Variants in DUXA observed in about 807,000 individuals in gnomAD.
The protein encoded by DUXA is double homeobox protein A.
A neutral mutation model predicts 27.5 loss-of-function variants in DUXA; 25 were observed. That is an observed-to-expected ratio of 0.91 (90% CI 0.66 to 1.27). The LOEUF is 1.27. Among genes scored for constraint, DUXA ranks in the 50% most tolerant of loss-of-function variants. DUXA has a pLI of 0.00. For synonymous variants in DUXA, 90 were observed against 80.5 expected, an observed-to-expected ratio of 1.12 and a Z score of -0.63; for missense variants, 247 against 242.9, an observed-to-expected ratio of 1.02 and a Z score of -0.11.
intron 1 of DUXA, among the ~76,000 whole-genome samples, chr19:57,163,635 G>A (rs2087035941): frequency 6.6e-6 from 1 of 151,900 alleles, no homozygotes; most frequent in South Asian, 2.1e-4. Flanking sequence ...GTGGAGACGT[G>A]GTTTTGCCAC....
intron 1 of DUXA, among the ~76,000 whole-genome samples, chr19:57,165,520 C>T (rs1323942380): frequency 6.6e-6 from 1 of 151,506 alleles, no homozygotes; most frequent in African/African-American, 2.4e-5. Flanking sequence ...AAAAGCCAGA[C>T]CCTGGCCGGG....
chr19:57,155,646 A>AAGATAGATAGACAGATAGATAGAT (rs2086989319), intron 4 of DUXA, among the ~76,000 whole-genome samples: 1 of 144,012 alleles, frequency 6.9e-6, no homozygotes, highest in East Asian at 2.1e-4. Flanking sequence ...TGCCCAACCC[A>AAGATAGATAGACAGATAGATAGAT]AGATAGATAG....
chr19:57,156,764 A>G (rs537148955), intron 4 of DUXA, among the ~76,000 whole-genome samples: 12 of 152,132 alleles, frequency 7.9e-5, no homozygotes, highest in Admixed American at 2.0e-4. Flanking sequence ...TCCCGGGTTC[A>G]AGCAATTCTC....
intron 1 of DUXA, among the ~76,000 whole-genome samples, chr19:57,161,809 T>C (rs994207415): frequency 2.0e-5 from 3 of 152,194 alleles, no homozygotes; most frequent in Admixed American, 6.5e-5. Context: ...GAGTTTGTGA[T>C]ACAAGGACCA....
rs111850093 is a variant in DUXA, at chr19:57,154,633, G to T, written c.545-151C>A. ...GGCTGGAGTGCGGTGGCGCGATCTC[G>T]GCTCACTGCAAGCTCCGCCTCCCGG... On this transcript the variant is annotated intron_variant, in intron 5 of 5. Transcript: ENST00000554048. 7.2e-6 allele frequency: 4 copies of T among 558,252 alleles called. No homozygotes were observed. The Admixed American group carries it at 9.0e-5, about 13-fold the overall frequency. The allele number at this position is 558,252 out of a possible 1,614,324, so 34.6% of individuals were successfully genotyped here.
intron 4 of DUXA, among the ~76,000 whole-genome samples, chr19:57,156,022 A>G (rs1281750457): frequency 6.6e-6 from 1 of 152,218 alleles, no homozygotes; most frequent in Non-Finnish European, 1.5e-5. Flanking sequence ...CCTAAAGAGA[A>G]CACCCAAAAT....
intron 1 of DUXA, 110 bp from the exon 2 acceptor site, chr19:57,160,907 TC>T: frequency 7.8e-7 from 1 of 1,276,304 alleles, no homozygotes; most frequent in Non-Finnish European, 1.1e-6. Flanking sequence ...TGGAATCCAC[TC>T]CAGGAGAACT....
At chr19:57,162,506 C>A (rs1022237162) in intron 1 of DUXA, among the ~76,000 whole-genome samples, 13 of 152,156 alleles carry the variant, frequency 8.5e-5, no homozygotes, top group African/African-American at 2.7e-4. Flanking sequence ...AGACCAACAG[C>A]TTTTTTGTTT....
intron 1 of DUXA, 73 bp downstream of exon 1, chr19:57,167,346 C>G: frequency 6.3e-7 from 1 of 1,588,520 alleles, no homozygotes; most frequent in Non-Finnish European, 8.6e-7. Context: ...CAACTTCTGA[C>G]AAGACCACTG....
In DUXA at chr19:57,154,326, T is replaced by C; in HGVS notation, c.*86A>G. The C allele has an allele frequency of 7.7e-7, 1 of 1,298,004 alleles. No homozygotes were observed. The highest frequency in any genetic ancestry group is 1.1e-6 in the Non-Finnish European group (1 of 905,516). The allele number at this position is 1,298,004 out of a possible 1,614,324, so 80.4% of individuals were successfully genotyped here. On this transcript the variant is annotated 3_prime_UTR_variant, in exon 6 of 6. Coordinates refer to ENST00000554048, the MANE Select transcript of DUXA (RefSeq NM_001012729.2). ...TCTTCAGAAGGCTTAGCTTGCAGTT[T>C]CAGCAGAAGGATAGACTCCCAGGAA...
At chr19:57,165,324 A>AATATATATATATATATAT (rs74179420) in intron 1 of DUXA, among the ~76,000 whole-genome samples, 51 of 89,222 alleles carry the variant, frequency 5.7e-4, no homozygotes, top group South Asian at 3.0e-3. Context: ...AAAAAAAAAA[A>AATATATATATATATATAT]ATATATATAT....
intron 1 of DUXA, among the ~76,000 whole-genome samples, chr19:57,164,409 C>T (rs1409091887): frequency 2.6e-5 from 4 of 152,098 alleles, no homozygotes; most frequent in Non-Finnish European, 5.9e-5. Context: ...AACCCCGTCT[C>T]TACTAAAAAT....
chr19:57,154,533 C>G (rs1186401449), intron 5 of DUXA, 51 bp from the exon 6 acceptor site: 1 of 1,377,418 alleles, frequency 7.3e-7, no homozygotes, highest in Non-Finnish European at 1.0e-6. Flanking sequence ...AGCTTATATT[C>G]ACAAACATGG....
intron 1 of DUXA, among the ~76,000 whole-genome samples, chr19:57,163,036 TACGCG>T (rs1015801687): frequency 6.6e-6 from 1 of 152,120 alleles, no homozygotes; most frequent in Non-Finnish European, 1.5e-5. Context: ...GACCTCATCA[TACGCG>T]ACATTCCACT....
At chr19:57,164,080 T>C (rs540406911) in intron 1 of DUXA, among the ~76,000 whole-genome samples, 1 of 152,264 alleles carries the variant, frequency 6.6e-6, no homozygotes, top group African/African-American at 2.4e-5. Context: ...ATTACTCTGA[T>C]ACTCAAAAGC....
In DUXA at chr19:57,159,231, T is replaced by C; in HGVS notation, c.228A>G (p.Pro76=). Residue 76 remains proline (P), a synonymous_variant, in exon 3 of 6, where the codon CCA becomes CCG. Transcript: ENST00000554048. ...GGCTTGATTCTAAAGTCTCAGCTTC[T>C]GGTCTTTTCTGGAATCCGTGCCTAG... ...RRARHGFQKR[P]EAETLESSQS... The C allele has an allele frequency of 6.2e-7, 1 of 1,614,206 alleles. No homozygotes were observed. Among genetic ancestry groups the C allele is most frequent in the Non-Finnish European group, 8.5e-7 (1 of 1,180,034 alleles).
intron 4 of DUXA, among the ~76,000 whole-genome samples, chr19:57,156,222 A>G (rs2086992501): frequency 6.6e-6 from 1 of 152,196 alleles, no homozygotes; most frequent in Non-Finnish European, 1.5e-5. Context: ...AATTCCCAGA[A>G]TAGAGAATGT....
At chr19:57,161,349 C>G (rs145413321) in intron 1 of DUXA, among the ~76,000 whole-genome samples, 2 of 79,230 alleles carry the variant, frequency 2.5e-5, no homozygotes, top group Non-Finnish European at 4.8e-5. Context: ...AAAAACTGGG[C>G]GCGGTGGCTC....
chr19:57,161,139 C>A (rs1003780934), intron 1 of DUXA, among the ~76,000 whole-genome samples: 1 of 151,674 alleles, frequency 6.6e-6, no homozygotes, highest in Admixed American at 6.6e-5. Context: ...GCCTGGCCAA[C>A]ATGATGAAAC....
Sources: gnomAD v4.1 joint callset for allele counts (sites outside exome capture counted in the v4.1 genomes callset) on GRCh38, gnomAD v4.1.1 for gene constraint, MANE v1.5 for transcripts, NCBI Gene and HGNC (gene_info 2026-07-23, HGNC 2026-07-21) for gene names.